Variants in FGF12 observed in about 807,000 individuals in gnomAD.
The protein encoded by FGF12 is fibroblast growth factor 12, also known as fibroblast growth factor 12B.
Under a neutral mutation model 23.6 loss-of-function variants are expected in FGF12, and 14 were observed. The ratio of observed to expected loss-of-function variants is 0.59; its 90% CI spans 0.39 to 0.93. The LOEUF (loss-of-function observed/expected upper bound fraction) is 0.93, where lower values mean the gene tolerates loss of function less well. Ranked by LOEUF, FGF12 falls within the 40% of genes least tolerant of loss-of-function variation. The pLI, the probability that FGF12 is intolerant of heterozygous loss-of-function variation, is 0.00. For synonymous variants in FGF12, 62 were observed against 77.3 expected, an observed-to-expected ratio of 0.80 and a Z score of 1.04; for missense variants, 175 against 217.8, an observed-to-expected ratio of 0.80 and a Z score of 1.24.
At chr3:192,557,107 A>T (rs113154887) in intron 2 of FGF12, among the ~76,000 whole-genome samples, 32 of 151,970 alleles carry the variant, frequency 2.1e-4, no homozygotes, top group African/African-American at 7.7e-4. Context: ...AAGAAAAAAA[A>T]CCTCAAATAA....
chr3:192,529,282 C>T (rs1725028746), intron 2 of FGF12, among the ~76,000 whole-genome samples: 1 of 152,190 alleles, frequency 6.6e-6, no homozygotes, highest in African/African-American at 2.4e-5. Context: ...AGGGCAGAGG[C>T]AAAATGCCAC....
At position 192,409,051 on chromosome 3, in the gene FGF12, C is replaced by A; in HGVS notation, c.14-48513G>T. 1.0e-6 allele frequency: 1 copy of A among 955,842 alleles called. No homozygotes were observed. The highest frequency in any genetic ancestry group is 1.2e-6 in the Non-Finnish European group (1 of 813,452). The allele number at this position is 955,842 out of a possible 1,614,324, so 59.2% of individuals were successfully genotyped here. A position where few individuals can be genotyped will look rare whatever the true frequency, so the allele number is the denominator to read the frequency against. On this transcript the variant is annotated intron_variant, in intron 2 of 5. Coordinates refer to ENST00000445105, the MANE Select transcript of FGF12 (RefSeq NM_004113.6). The surrounding 1 kb of genome is among the most constrained non-coding windows in gnomAD (Gnocchi z 4.8). ...GAGCAACTCCCGGCCAGCAGCACTG[C>A]AAAGAGAGCGGGAGGCGAGGGAGGG...
At chr3:192,533,132 ACTT>A (rs1220372263) in intron 2 of FGF12, among the ~76,000 whole-genome samples, 2 of 152,306 alleles carry the variant, frequency 1.3e-5, no homozygotes, top group East Asian at 1.9e-4. Flanking sequence ...TGAATACTTC[ACTT>A]CTTCTTCAAA....
At chr3:192,215,099 G>A (rs545353613) in intron 4 of FGF12, among the ~76,000 whole-genome samples, 1 of 152,274 alleles carries the variant, frequency 6.6e-6, no homozygotes, top group Non-Finnish European at 1.5e-5. Flanking sequence ...GGCTCTTCCC[G>A]AACTCTCTAC....
At chr3:192,159,402 A>G (rs1433282852) in intron 5 of FGF12, among the ~76,000 whole-genome samples, 1 of 152,198 alleles carries the variant, frequency 6.6e-6, no homozygotes. Flanking sequence ...TCTTTCTGCA[A>G]ATCACTGGCT....
intron 3 of FGF12, among the ~76,000 whole-genome samples, chr3:192,357,198 G>A (rs550208551): frequency 6.6e-6 from 1 of 152,252 alleles, no homozygotes; most frequent in African/African-American, 2.4e-5. Flanking sequence ...TAAAAAATAT[G>A]TGGGGCCAGG....
chr3:192,332,181 T>C (rs1458976052), intron 4 of FGF12, among the ~76,000 whole-genome samples: 1 of 152,108 alleles, frequency 6.6e-6, no homozygotes, highest in Non-Finnish European at 1.5e-5. Context: ...CAAGAAAGGT[T>C]GTGATATTTA....
At chr3:192,587,330 T>G (rs1366885322) in intron 2 of FGF12, among the ~76,000 whole-genome samples, 24 of 151,954 alleles carry the variant, frequency 1.6e-4, no homozygotes, top group Non-Finnish European at 1.5e-5. Context: ...CCACTTATTC[T>G]AGGAGTGGAC....
intron 4 of FGF12, among the ~76,000 whole-genome samples, chr3:192,204,163 G>T (rs1717522737): frequency 1.3e-5 from 2 of 152,092 alleles, no homozygotes. Flanking sequence ...ACTTGAAAAG[G>T]AATCCATCTA....
At chr3:192,662,805 T>C (rs1716722296) in intron 2 of FGF12, among the ~76,000 whole-genome samples, 1 of 152,212 alleles carries the variant, frequency 6.6e-6, no homozygotes, top group Non-Finnish European at 1.5e-5. Context: ...AAGGAATAGA[T>C]CATAATTATA....
intron 2 of FGF12, among the ~76,000 whole-genome samples, chr3:192,590,171 A>C (rs770676915): frequency 5.3e-5 from 8 of 151,894 alleles, no homozygotes; most frequent in Non-Finnish European, 1.2e-4. Flanking sequence ...TATCAAATTC[A>C]TGCATTAATG....
chr3:192,249,156 G>C (rs969721952), intron 4 of FGF12, among the ~76,000 whole-genome samples: 1 of 152,042 alleles, frequency 6.6e-6, no homozygotes, highest in Non-Finnish European at 1.5e-5. Flanking sequence ...TTTGAGGAAA[G>C]GTATGTGATA....
At chr3:192,489,519 G>A (rs777200807) in intron 2 of FGF12, among the ~76,000 whole-genome samples, 2 of 151,994 alleles carry the variant, frequency 1.3e-5, no homozygotes, top group Admixed American at 1.3e-4. Context: ...ATCAACGCAA[G>A]CCAAACTTAA....
At chr3:192,638,646 C>T (rs1202456833) in intron 2 of FGF12, among the ~76,000 whole-genome samples, 6 of 152,218 alleles carry the variant, frequency 3.9e-5, no homozygotes, top group South Asian at 4.1e-4. Flanking sequence ...ATTTTATCCA[C>T]GGATTTGAAA....
At chr3:192,554,791 G>A (rs199792850) in intron 2 of FGF12, among the ~76,000 whole-genome samples, 18 of 148,142 alleles carry the variant, frequency 1.2e-4, no homozygotes, top group Admixed American at 2.7e-4. Flanking sequence ...ATGAGCTAAG[G>A]AAAAAAAAAA....
At chr3:192,575,939 A>G (rs1323905088) in intron 2 of FGF12, among the ~76,000 whole-genome samples, 1 of 152,218 alleles carries the variant, frequency 6.6e-6, no homozygotes, top group Non-Finnish European at 1.5e-5. Context: ...AGGTACTTGA[A>G]AAAAATAACT....
chr3:192,339,105 T>C (rs1392774039), intron 3 of FGF12, among the ~76,000 whole-genome samples: 1 of 152,200 alleles, frequency 6.6e-6, no homozygotes, highest in Admixed American at 6.5e-5. Context: ...GCTGGTTTGC[T>C]TTGTGAGACT....
chr3:192,541,412 G>C (rs1465435681), intron 2 of FGF12, among the ~76,000 whole-genome samples: 1 of 151,982 alleles, frequency 6.6e-6, no homozygotes. Flanking sequence ...CTAATTAAAA[G>C]TTTATATTTT....
intron 3 of FGF12, among the ~76,000 whole-genome samples, chr3:192,354,930 G>C (rs1718400655): frequency 6.6e-6 from 1 of 152,118 alleles, no homozygotes; most frequent in African/African-American, 2.4e-5. Flanking sequence ...AGCTGGTCTA[G>C]AGCTCCCAGT....
Sources: gnomAD v4.1 joint callset for allele counts (sites outside exome capture counted in the v4.1 genomes callset) on GRCh38, gnomAD v4.1.1 for gene constraint, Gnocchi (gnomAD v3.1) non-coding constraint, MANE v1.5 for transcripts, NCBI Gene and HGNC (gene_info 2026-07-23, HGNC 2026-07-21) for gene names.